TMEM63A: variants seen among roughly 807,000 people sequenced by gnomAD.
The protein encoded by TMEM63A is mechanosensitive cation channel TMEM63A.
TMEM63A carries 76 observed loss-of-function variants against 100.6 expected under a neutral mutation model. The observed-to-expected ratio is 0.76, with a 90% CI of 0.63 to 0.91. TMEM63A has a LOEUF of 0.91. TMEM63A is among the 40% of genes least tolerant of loss of function. TMEM63A has a pLI of 0.00. For synonymous variants in TMEM63A, 401 were observed against 401.1 expected (o/e 1.00, Z 0.00); for missense variants, 876 against 1,008.8 (o/e 0.87, Z 1.78).
At chr1:225,859,134 C>T (rs910199872) in intron 15 of TMEM63A, 62 bp downstream of exon 15, 1 of 1,609,286 alleles carries the variant, frequency 6.2e-7, no homozygotes, top group Non-Finnish European at 8.5e-7. Context: ...ACTCCTTCCC[C>T]ACCCACCAAG....
At position 225,867,234 on chromosome 1, in the gene TMEM63A, T is replaced by G; in HGVS notation, c.515-71A>C. The G allele has an allele frequency of 6.5e-7, 1 of 1,531,622 alleles. No homozygotes were observed. The highest frequency in any genetic ancestry group is 9.0e-7 in the Non-Finnish European group (1 of 1,105,224). 94.9% of individuals were successfully genotyped at this position (1,531,622 alleles called of 1,614,324 possible). A position where few individuals can be genotyped will look rare whatever the true frequency, so the allele number is the denominator to read the frequency against. ...CAGGAGGGGGCGTAACCAATCAGCC[T>G]TGGTTTGTGGAGCTCTGGGGAGGAG... is the stretch of plus-strand genomic sequence containing the variant. On this transcript the variant is annotated intron_variant, in intron 7 of 24. Coordinates refer to ENST00000366835, the MANE Select transcript of TMEM63A (RefSeq NM_014698.3). This position sits in a 1 kb window ranked among gnomAD's most constrained non-coding sequence, Gnocchi z 4.6.
At chr1:225,873,806 A>T (rs1670640771) in intron 4 of TMEM63A, among the ~76,000 whole-genome samples, 4 of 152,136 alleles carry the variant, frequency 2.6e-5, no homozygotes, top group Admixed American at 1.3e-4. Context: ...AAGCTAATTA[A>T]TTTCAAAGAT....
intron 21 of TMEM63A, 61 bp from the exon 22 acceptor site, chr1:225,849,073 C>T: frequency 4.7e-6 from 6 of 1,277,352 alleles, no homozygotes; most frequent in Non-Finnish European, 6.6e-6. Context: ...CTACCCTCAC[C>T]CTGCTGAGGA....
chr1:225,845,042 G>A, downstream of TMEM63A: 1 of 1,222,204 alleles, frequency 8.2e-7, no homozygotes, highest in Non-Finnish European at 1.2e-6. Flanking sequence ...CTCCTTGTGG[G>A]TGGGCCAGCT....
rs1669918409 is a variant in TMEM63A at position 225,861,224 on chromosome 1, A to G, written c.1086-227T>C. On this transcript the variant is annotated intron_variant, in intron 13 of 24. Coordinates refer to ENST00000366835, the MANE Select transcript of TMEM63A (RefSeq NM_014698.3). The stretch of plus-strand genomic sequence containing the variant: ...CAGCAACAAAGGGAGTACGATTCCC[A>G]TTTTACAGATAAGGAAACTGAGGGC... 1.1e-5 allele frequency: 4 copies of G among 377,542 alleles called. No individual in the cohort carries two copies. In the South Asian group the frequency reaches 2.4e-4, roughly 22 times the overall value. The allele number at this position is 377,542 out of a possible 1,614,324, so 23.4% of individuals were successfully genotyped here.
intron 1 of TMEM63A, among the ~76,000 whole-genome samples, chr1:225,880,355 T>C (rs901548345): frequency 2.0e-5 from 3 of 152,144 alleles, no homozygotes; most frequent in Non-Finnish European, 2.9e-5. Flanking sequence ...ACAGCTCCTC[T>C]GCATTTTCAC....
intron 20 of TMEM63A, among the ~76,000 whole-genome samples, chr1:225,850,758 C>T (rs759601937): frequency 9.2e-5 from 14 of 152,172 alleles, no homozygotes; most frequent in Non-Finnish European, 1.8e-4. Context: ...GTTGCCCAGG[C>T]TGGAGTGCAG....
chr1:225,844,476 G>A (rs758506370), downstream of TMEM63A: 12 of 1,614,030 alleles, frequency 7.4e-6, no homozygotes, highest in Admixed American at 1.7e-5. Flanking sequence ...TGAGAGTGGG[G>A]CTTTGTGTTC....
chr1:225,874,047 C>G (rs1670652159), intron 4 of TMEM63A, among the ~76,000 whole-genome samples: 1 of 152,116 alleles, frequency 6.6e-6, no homozygotes, highest in African/African-American at 2.4e-5. Flanking sequence ...TGGTGAAGAG[C>G]AAAGAGAACA....
At chr1:225,841,728 A>G (rs1233779054), downstream of TMEM63A, among the ~76,000 whole-genome samples, 1 of 151,502 alleles carries the variant, frequency 6.6e-6, no homozygotes, top group Non-Finnish European at 1.5e-5. Flanking sequence ...CAGCCTCCCA[A>G]GTAGCTGGGA....
At position 225,853,656 on chromosome 1, in the gene TMEM63A, C is replaced by T. The variant is rs1275713139; in HGVS notation, c.1770G>A (p.Thr590=). ...LYTFRMIMAK[T]AADRRNVKQN... is the part of the protein sequence containing the mutation. ...GCTTGACATTCCTGCGGTCAGCAGC[C>T]GTCTTGGCCATGATCATGCGGAAGG... Residue 590 remains threonine (T), a synonymous_variant, in exon 19 of 25, where the codon ACG becomes ACA. Coordinates refer to ENST00000366835, the MANE Select transcript of TMEM63A (RefSeq NM_014698.3). The surrounding 1 kb of genome is among the most constrained non-coding windows in gnomAD (Gnocchi z 4.0). The T allele has an allele frequency of 5.7e-6, 9 of 1,572,452 alleles. No individual in the cohort carries two copies. Among genetic ancestry groups the T allele is most frequent in the African/African-American group, 1.3e-5 (1 of 74,226 alleles).
chr1:225,859,389 C>T (rs994106638), intron 14 of TMEM63A, 40 bp from the exon 15 acceptor site: 1 of 1,609,936 alleles, frequency 6.2e-7, no homozygotes, highest in Non-Finnish European at 8.5e-7. Context: ...AGGCTTGTCT[C>T]CCAGTGCTCG....
chr1:225,850,463 GGA>G (rs965360985), intron 20 of TMEM63A, among the ~76,000 whole-genome samples: 52 of 152,240 alleles, frequency 3.4e-4, no homozygotes, highest in African/African-American at 1.3e-3. Context: ...GGAATGTGGG[GGA>G]GTTTACCTAA....
At position 225,849,003 on chromosome 1, in the gene TMEM63A, G is replaced by T. The variant is rs1406806699; in HGVS notation, c.2081C>A (p.Ala694Asp). The T allele has an allele frequency of 2.7e-6, 4 of 1,473,208 alleles. No homozygotes were observed. Among genetic ancestry groups the T allele is most frequent in the Non-Finnish European group, 3.6e-6 (4 of 1,096,584 alleles). The allele number at this position is 1,473,208 out of a possible 1,614,324, so 91.3% of individuals were successfully genotyped here. A position where few individuals can be genotyped will look rare whatever the true frequency, so the allele number is the denominator to read the frequency against. The change falls in exon 22 of 25, where the codon GCC (alanine) becomes GAC (aspartate). Residue 694 changes from alanine (A) to aspartate (D), a missense_variant. Ala to Asp is a moderately radical substitution (Grantham distance 126). Transcript: ENST00000366835. ...CAGGAAGGTGAACAGAGTGGCGGGG[G>T]CCTTCATACCTGGTGATAGAGGGTG... Reference protein sequence around the residue: ...FFSFLRLGMKAPATLFTFLVL... With the variant: ...FFSFLRLGMKDPATLFTFLVL...
In TMEM63A at chr1:225,849,981, C is replaced by T; in HGVS notation, c.2002G>A (p.Val668Met). 1 of 1,614,214 alleles carries T rather than the reference C, an allele frequency of 6.2e-7. No homozygotes were observed. The highest frequency in any genetic ancestry group is 8.5e-7 in the Non-Finnish European group (1 of 1,180,044). Residue 668 changes from valine (V) to methionine (M), a missense_variant, in exon 21 of 25, where the codon GTG (valine) becomes ATG (methionine). Around this residue, in one of 5 missense-constraint regions of TMEM63A, gnomAD observed 339 missense variants for 342.3 expected, o/e 0.99. Transcript: ENST00000366835. ...KLEKGIHFAA[V>M]NQALAAPILC... ...ATGGGGGCTGCCAAGGCCTGGTTCA[C>T]AGCGGCAAAGTGGATCCCCTTCTCC...
chr1:225,853,021 C>G lies in TMEM63A; in HGVS notation c.1798-252G>C, dbSNP rs1669430877. On this transcript the variant is annotated intron_variant, in intron 19 of 24. Coordinates refer to ENST00000366835, the MANE Select transcript of TMEM63A (RefSeq NM_014698.3). The surrounding 1 kb of genome is among the most constrained non-coding windows in gnomAD (Gnocchi z 4.0). ...TCGTTCCACCCAACAGGCATGTGAG[C>G]CCCTGGAGGGAAGAGGTGGTCAGGG... Among the ~76,000 whole-genome samples the G allele has an allele frequency of 6.6e-6, 1 of 152,206 alleles. No individual in the cohort carries two copies. The highest frequency in any genetic ancestry group is 2.1e-4 in the South Asian group (1 of 4,830).
rs932800000 is a variant in TMEM63A, at chr1:225,845,659, G to T, written c.*1280C>A. The T allele has an allele frequency of 1.1e-5, 5 of 473,222 alleles. No individual in the cohort carries two copies. The East Asian group carries it at 2.1e-4, about 20-fold the overall frequency. 29.3% of individuals were successfully genotyped at this position (473,222 alleles called of 1,614,324 possible). A position where few individuals can be genotyped will look rare whatever the true frequency, so the allele number is the denominator to read the frequency against. The stretch of plus-strand genomic sequence containing the variant: ...GGCCCCTCCTTGCTGGCAGAGGCAC[G>T]GGAGGCCTGCTGGGGATGAGGCCAC... On this transcript the variant is annotated 3_prime_UTR_variant, in exon 25 of 25. Transcript: ENST00000366835.
Position 225,861,217 on chromosome 1 carries a change from G to A in TMEM63A, c.1086-220C>T, listed in dbSNP as rs1053217859. Reference sequence around the variant, plus strand: ...CAACCACCAGCAACAAAGGGAGTACGATTCCCATTTTACAGATAAGGAAAC... The same window carrying A: ...CAACCACCAGCAACAAAGGGAGTACAATTCCCATTTTACAGATAAGGAAAC... On this transcript the variant is annotated intron_variant, in intron 13 of 24. Transcript: ENST00000366835. The A allele has an allele frequency of 2.5e-5, 10 of 400,344 alleles. 1 individual carries two copies. Among genetic ancestry groups the A allele is most frequent in the Admixed American group, 1.3e-4 (3 of 22,602 alleles). The allele number at this position is 400,344 out of a possible 1,614,324, so 24.8% of individuals were successfully genotyped here.
At chr1:225,877,357 A>G in intron 3 of TMEM63A, 38 bp downstream of exon 3, 2 of 1,576,982 alleles carry the variant, frequency 1.3e-6, no homozygotes, top group Non-Finnish European at 1.7e-6. Context: ...TTAAACAAAT[A>G]ACTGAGGCAG....
Sources: allele counts gnomAD v4.1 joint callset (sites outside exome capture counted in the v4.1 genomes callset), GRCh38; gene constraint gnomAD v4.1.1; regional missense constraint gnomAD v4.1.1; non-coding constraint Gnocchi (gnomAD v3.1); transcripts MANE v1.5; gene names NCBI Gene and HGNC (gene_info 2026-07-23, HGNC 2026-07-21).